Variants in IL1RAP observed in about 807,000 individuals in gnomAD.
IL1RAP encodes the protein interleukin 1 receptor accessory protein.
In IL1RAP, 35 loss-of-function variants were observed where a neutral mutation model predicts 60.7. That is an observed-to-expected ratio of 0.58 (90% CI 0.44 to 0.76). The LOEUF (loss-of-function observed/expected upper bound fraction) is 0.76, where lower values mean the gene tolerates loss of function less well. IL1RAP is among the 30% of genes least tolerant of loss of function. The pLI, the probability that IL1RAP is intolerant of heterozygous loss-of-function variation, is 0.00. For synonymous variants in IL1RAP, 268 were observed against 250.9 expected, an observed-to-expected ratio of 1.07 and a Z score of -0.64; for missense variants, 572 against 693.9, an observed-to-expected ratio of 0.82 and a Z score of 1.97.
intron 3 of IL1RAP, among the ~76,000 whole-genome samples, chr3:190,586,627 C>T (rs1728485840): frequency 6.6e-6 from 1 of 152,212 alleles, no homozygotes; most frequent in African/African-American, 2.4e-5. Context: ...TGATTTTCTA[C>T]CAGCATGAAA....
At position 190,641,044 on chromosome 3, in the gene IL1RAP, C is replaced by G. The variant is rs528828101; in HGVS notation, c.1052-3204C>G. On this transcript the variant is annotated intron_variant, in intron 9 of 11. Transcript: ENST00000447382. Reference sequence around the variant, plus strand: ...GCAATGGTGCAATCTTGGCTCACTGCAACCTCCGCCTCCCAGGTTCAAGCG... The same window carrying G: ...GCAATGGTGCAATCTTGGCTCACTGGAACCTCCGCCTCCCAGGTTCAAGCG... 5.5e-4 allele frequency among the ~76,000 whole-genome samples: 84 copies of G among 152,274 alleles called. 1 individual carries two copies. The highest frequency in any genetic ancestry group is 1.9e-3 in the African/African-American group (80 of 41,560).
At chr3:190,616,704 C>T (rs1731304308) in intron 5 of IL1RAP, among the ~76,000 whole-genome samples, 1 of 152,182 alleles carries the variant, frequency 6.6e-6, no homozygotes, top group Admixed American at 6.5e-5. Flanking sequence ...CATCCTACAA[C>T]CCACCATCCA....
At chr3:190,579,155 G>A (rs771880734) in intron 3 of IL1RAP, among the ~76,000 whole-genome samples, 2 of 152,182 alleles carry the variant, frequency 1.3e-5, no homozygotes, top group East Asian at 1.9e-4. Flanking sequence ...AACATAGTAA[G>A]CTAGTTATCA....
intron 2 of IL1RAP, 184 bp from the exon 3 acceptor site, chr3:190,564,105 C>CA (rs753280949): frequency 6.4e-5 from 36 of 564,336 alleles, no homozygotes; most frequent in Non-Finnish European, 5.1e-5. Context: ...AAACAAACAA[C>CA]AAAAAAACAG....
chr3:190,587,480 C>T (rs1728565274), intron 3 of IL1RAP, among the ~76,000 whole-genome samples: 1 of 152,182 alleles, frequency 6.6e-6, no homozygotes, highest in Non-Finnish European at 1.5e-5. Context: ...TAATGGTGGT[C>T]ACACTGGCAG....
chr3:190,644,507 G>A, intron 10 of IL1RAP, 110 bp downstream of exon 10: 1 of 813,332 alleles, frequency 1.2e-6, no homozygotes, highest in Middle Eastern at 3.0e-4. Context: ...AGATTAACTG[G>A]AAGATTTAAG....
intron 3 of IL1RAP, among the ~76,000 whole-genome samples, chr3:190,570,100 C>A (rs1726782814): frequency 6.6e-6 from 1 of 152,158 alleles, no homozygotes; most frequent in African/African-American, 2.4e-5. Context: ...CCCAGGATAA[C>A]AACACAATGA....
intron 2 of IL1RAP, 76 bp from the exon 3 acceptor site, chr3:190,564,213 A>T (rs1441441265): frequency 1.1e-6 from 1 of 919,002 alleles, no homozygotes; most frequent in South Asian, 1.3e-5. Flanking sequence ...GTCAGCAGGC[A>T]TGAATGCTAG....
At chr3:190,628,901 T>C (rs1461512660) in intron 8 of IL1RAP, among the ~76,000 whole-genome samples, 4 of 152,202 alleles carry the variant, frequency 2.6e-5, no homozygotes, top group African/African-American at 9.6e-5. Context: ...TGTGTGGGCA[T>C]TATGACTTCC....
chr3:190,637,809 G>C (rs1046427239), intron 9 of IL1RAP, among the ~76,000 whole-genome samples: 4 of 151,248 alleles, frequency 2.6e-5, no homozygotes, highest in Non-Finnish European at 5.9e-5. Context: ...CAATACAACT[G>C]TTTTTATTTC....
chr3:190,602,784 A>G (rs1052976330), intron 3 of IL1RAP, among the ~76,000 whole-genome samples: 5 of 152,192 alleles, frequency 3.3e-5, no homozygotes, highest in South Asian at 2.1e-4. Flanking sequence ...TTAGATGTCA[A>G]TGGAAACGTA....
At chr3:190,518,785 G>A (rs913094169) in intron 1 of IL1RAP, 7 of 152,186 alleles carry the variant, frequency 4.6e-5, no homozygotes, top group Admixed American at 1.3e-4. Context: ...TCACTATCAC[G>A]AGAATAGCAT....
chr3:190,523,053 G>A (rs1241485350), intron 1 of IL1RAP, among the ~76,000 whole-genome samples: 1 of 152,146 alleles, frequency 6.6e-6, no homozygotes, highest in African/African-American at 2.4e-5. Context: ...TTTACTTACT[G>A]TATAAGCCAG....
chr3:190,623,570 G>T (rs1731964361), intron 7 of IL1RAP, among the ~76,000 whole-genome samples, 155 bp downstream of exon 7: 1 of 152,214 alleles, frequency 6.6e-6, no homozygotes, highest in South Asian at 2.1e-4. Flanking sequence ...GTGGAGATCA[G>T]TTACTTCCCT....
intron 3 of IL1RAP, among the ~76,000 whole-genome samples, chr3:190,595,976 T>C (rs1289309417): frequency 6.6e-6 from 1 of 152,206 alleles, no homozygotes; most frequent in African/African-American, 2.4e-5. Context: ...TTTTGCATGC[T>C]AGGACTTTTA....
chr3:190,564,615 T>G (rs951524894), intron 3 of IL1RAP: 1 of 425,380 alleles, frequency 2.4e-6, no homozygotes, highest in African/African-American at 2.0e-5. Flanking sequence ...ACCTTCACAC[T>G]CAGCCAACTA....
chr3:190,540,633 T>C (rs1374244542), intron 1 of IL1RAP, among the ~76,000 whole-genome samples: 3 of 152,138 alleles, frequency 2.0e-5, no homozygotes, highest in African/African-American at 7.2e-5. Context: ...TGTGTCTGTG[T>C]TGATTTTTTT....
chr3:190,607,847 G>A (rs1216948623), intron 4 of IL1RAP, among the ~76,000 whole-genome samples: 11 of 152,058 alleles, frequency 7.2e-5, no homozygotes, highest in East Asian at 1.9e-4. Flanking sequence ...TGATTTTAAT[G>A]TTTTCCTTGC....
At chr3:190,636,713 T>G (rs1364384272) in intron 9 of IL1RAP, among the ~76,000 whole-genome samples, 1 of 152,136 alleles carries the variant, frequency 6.6e-6, no homozygotes, top group Non-Finnish European at 1.5e-5. Context: ...ATACTTAATG[T>G]ATGTATCTTA....
Sources: allele counts gnomAD v4.1 joint callset (sites outside exome capture counted in the v4.1 genomes callset), GRCh38; gene constraint gnomAD v4.1.1; transcripts MANE v1.5; gene names NCBI Gene and HGNC (gene_info 2026-07-23, HGNC 2026-07-21).